The following USP13 variants were observed in gnomAD, a reference collection of about 807,000 sequenced individuals.
USP13 encodes the protein ubiquitin carboxyl-terminal hydrolase 13.
In USP13, 68 loss-of-function variants were observed where a neutral mutation model predicts 107.8. The observed-to-expected ratio is 0.63, with a 90% CI of 0.52 to 0.77. The LOEUF (loss-of-function observed/expected upper bound fraction) is 0.77, where lower values mean the gene tolerates loss of function less well. USP13 is among the 30% of genes least tolerant of loss of function. The probability of loss-of-function intolerance (pLI) is 0.00; values close to 1 mark genes in which losing one functional copy is unlikely to be tolerated. For missense variants in USP13, 945 were observed against 1,093.3 expected (o/e 0.86, Z 1.91); for synonymous variants, 377 against 389.5 (o/e 0.97, Z 0.38).
intron 15 of USP13, among the ~76,000 whole-genome samples, chr3:179,756,739 A>G (rs1222999727): frequency 6.6e-6 from 1 of 152,230 alleles, no homozygotes; most frequent in Non-Finnish European, 1.5e-5. Flanking sequence ...GGTCTGGGCA[A>G]CAGAGTCAGA....
intron 17 of USP13, among the ~76,000 whole-genome samples, chr3:179,762,406 C>A (rs1003130135): frequency 6.6e-6 from 1 of 152,130 alleles, no homozygotes; most frequent in East Asian, 1.9e-4. Context: ...CATGGTGAAA[C>A]CCCATCTCTA....
chr3:179,670,642 A>C lies in USP13; in HGVS notation c.169-11236A>C, dbSNP rs180728947. ...ACAAATCTCAAGATATTCTCTTATTAATATCAAATTATTGGCCGGGCGCAG... is the reference window on the plus strand; with the variant it reads ...ACAAATCTCAAGATATTCTCTTATTCATATCAAATTATTGGCCGGGCGCAG... On this transcript the variant is annotated intron_variant, in intron 1 of 20. Coordinates refer to ENST00000263966, the MANE Select transcript of USP13 (RefSeq NM_003940.3). Among the ~76,000 whole-genome samples, 547 of 152,216 alleles carry C rather than the reference A, an allele frequency of 3.6e-3. 8 individuals are homozygous for C. The highest frequency in any genetic ancestry group is 0.013 in the African/African-American group (520 of 41,538).
chr3:179,719,941 T>C lies in USP13; in HGVS notation c.807T>C (p.Asp269=). ...KLGTITPDGA[D]VYSFQEEEPV... ...GCTTATTTTCTCTTCATCCGCTAGA[T>C]GTTTATTCTTTTCAAGAAGAAGAAC... is the stretch of plus-strand genomic sequence containing the variant. The change falls in exon 7 of 21, where the codon GAT becomes GAC. Residue 269 remains aspartate, a splice_region_variant and synonymous_variant. Transcript: ENST00000263966. 1 of 1,613,312 alleles carries C rather than the reference T, an allele frequency of 6.2e-7. No homozygotes were observed. The highest frequency in any genetic ancestry group is 8.5e-7 in the Non-Finnish European group (1 of 1,179,474).
intron 11 of USP13, among the ~76,000 whole-genome samples, chr3:179,740,760 C>T (rs1316374035): frequency 1.3e-5 from 2 of 151,766 alleles, no homozygotes; most frequent in African/African-American, 2.4e-5. Context: ...AATCGAATGC[C>T]ATTAAAAACT....
At position 179,714,407 on chromosome 3, in the gene USP13, G is replaced by A. The variant is rs148410351; in HGVS notation, c.805+5450G>A. On this transcript the variant is annotated intron_variant, in intron 6 of 20. Coordinates refer to ENST00000263966, the MANE Select transcript of USP13 (RefSeq NM_003940.3). ...TTCATGTTAGTTTTGGCCTGGCCTC[G>A]GCCCCTGCTGTGTGCCTCTGTGGTA... Among the ~76,000 whole-genome samples, 735 of 152,278 alleles carry A rather than the reference G, an allele frequency of 4.8e-3. 5 individuals are homozygous for A. In the Middle Eastern group the frequency reaches 0.058, roughly 12 times the overall value.
At chr3:179,700,898 C>T (rs1478470683) in intron 3 of USP13, 110 bp from the exon 4 acceptor site, 1 of 1,324,946 alleles carries the variant, frequency 7.5e-7, no homozygotes, top group Non-Finnish European at 1.0e-6. Context: ...AATGTCACAC[C>T]CTTGGTATTT....
At chr3:179,729,881 T>C (rs1169299064) in intron 8 of USP13, among the ~76,000 whole-genome samples, 1 of 152,194 alleles carries the variant, frequency 6.6e-6, no homozygotes, top group Non-Finnish European at 1.5e-5. Flanking sequence ...AAATTCCAAA[T>C]CCCAGGCCTC....
At chr3:179,782,280 G>A (rs1452645848) in intron 20 of USP13, among the ~76,000 whole-genome samples, 1 of 152,180 alleles carries the variant, frequency 6.6e-6, no homozygotes, top group Non-Finnish European at 1.5e-5. Context: ...TATGGGGCAT[G>A]CTTCTACTGA....
intron 19 of USP13, among the ~76,000 whole-genome samples, chr3:179,781,290 C>G (rs549771986): frequency 6.6e-6 from 1 of 152,204 alleles, no homozygotes; most frequent in East Asian, 1.9e-4. Context: ...TTTGGTATTT[C>G]AGTCTGAATT....
chr3:179,737,998 C>T (rs755606233), intron 10 of USP13, among the ~76,000 whole-genome samples: 13 of 152,166 alleles, frequency 8.5e-5, no homozygotes, highest in Non-Finnish European at 1.6e-4. Flanking sequence ...TATGGAGCTG[C>T]CTCTTTGTCG....
intron 13 of USP13, among the ~76,000 whole-genome samples, chr3:179,748,472 G>T (rs558779665): frequency 4.6e-5 from 7 of 152,266 alleles, no homozygotes; most frequent in Non-Finnish European, 8.8e-5. Context: ...TACACCCAGA[G>T]CCTGAAGACC....
At chr3:179,682,113 T>C (rs1375667369) in intron 2 of USP13, 110 bp downstream of exon 2, 7 of 1,386,294 alleles carry the variant, frequency 5.0e-6, no homozygotes, top group Non-Finnish European at 6.8e-6. Flanking sequence ...TCCGATTCCC[T>C]TTGACGATGA....
chr3:179,778,600 C>T (rs1426261840), intron 19 of USP13, among the ~76,000 whole-genome samples: 2 of 152,110 alleles, frequency 1.3e-5, no homozygotes, highest in Non-Finnish European at 2.9e-5. Context: ...CCCGTCTCTA[C>T]TAAAAATGCA....
Position 179,742,363 on chromosome 3 carries a change from A to G in USP13, c.1534+13A>G, listed in dbSNP as rs757064445. 1 of 1,614,108 alleles carries G rather than the reference A, an allele frequency of 6.2e-7. No homozygotes were observed. Among genetic ancestry groups the G allele is most frequent in the Non-Finnish European group, 8.5e-7 (1 of 1,179,968 alleles). On this transcript the variant is annotated intron_variant, in intron 12 of 20. Coordinates refer to ENST00000263966, the MANE Select transcript of USP13 (RefSeq NM_003940.3). This position sits in a 1 kb window ranked among gnomAD's most constrained non-coding sequence, Gnocchi z 5.0. ...GCAACCAACAAGGGTAACAATTCCA[A>G]AGCGGGAAATTGGTACTGTGTGTCT...
At chr3:179,687,686 G>A (rs1208119957) in intron 2 of USP13, among the ~76,000 whole-genome samples, 37 of 29,456 alleles carry the variant, frequency 1.3e-3, no homozygotes, top group East Asian at 3.4e-3. Flanking sequence ...AAAAAAAAAA[G>A]GACTAGTGCT....
At chr3:179,710,807 C>T (rs1712895943) in intron 6 of USP13, among the ~76,000 whole-genome samples, 1 of 152,214 alleles carries the variant, frequency 6.6e-6, no homozygotes, top group African/African-American at 2.4e-5. Flanking sequence ...CTATACAGCA[C>T]AGTACTGTAC....
At chr3:179,772,951 A>G (rs1013745547) in intron 19 of USP13, among the ~76,000 whole-genome samples, 3 of 152,220 alleles carry the variant, frequency 2.0e-5, no homozygotes, top group Non-Finnish European at 4.4e-5. Flanking sequence ...GAAAGCTCCA[A>G]ATACTCCTCC....
chr3:179,765,364 A>G (rs1227384925), intron 18 of USP13, among the ~76,000 whole-genome samples: 4 of 152,248 alleles, frequency 2.6e-5, no homozygotes, highest in African/African-American at 9.6e-5. Context: ...AACAAATGCC[A>G]TACCCTTGGT....
intron 2 of USP13, 106 bp from the exon 3 acceptor site, chr3:179,690,135 C>G: frequency 9.5e-7 from 1 of 1,050,222 alleles, no homozygotes; most frequent in South Asian, 1.6e-5. Context: ...TGGAATATTT[C>G]TTCTTGGCCT....
Sources: allele counts gnomAD v4.1 joint callset (sites outside exome capture counted in the v4.1 genomes callset), GRCh38; gene constraint gnomAD v4.1.1; non-coding constraint Gnocchi (gnomAD v3.1); transcripts MANE v1.5; gene names NCBI Gene and HGNC (gene_info 2026-07-23, HGNC 2026-07-21).